Variants in TMEM150C observed in about 807,000 individuals in gnomAD.
The protein encoded by TMEM150C is tentonin 3.
TMEM150C carries 10 observed loss-of-function variants against 29.9 expected under a neutral mutation model. That is an observed-to-expected ratio of 0.33 (90% CI 0.21 to 0.57). The LOEUF is 0.57. Among genes scored for constraint, TMEM150C ranks in the 20% least tolerant of loss-of-function variants. The pLI is 0.88. For missense variants in TMEM150C, 251 were observed against 303.6 expected (o/e 0.83, Z 1.29); for synonymous variants, 101 against 112.5 (o/e 0.90, Z 0.64).
At chr4:82,492,028 T>G (rs1168739754) in intron 6 of TMEM150C, among the ~76,000 whole-genome samples, 3 of 150,348 alleles carry the variant, frequency 2.0e-5, no homozygotes, top group Non-Finnish European at 4.4e-5. Flanking sequence ...CTCTGTTTCC[T>G]GGGTTCAAGC....
In TMEM150C at chr4:82,503,055, T is replaced by C; in HGVS notation, c.134+4A>G. The C allele has an allele frequency of 1.9e-6, 3 of 1,612,704 alleles. No individual in the cohort carries two copies. Among genetic ancestry groups the C allele is most frequent in the Non-Finnish European group, 8.5e-7 (1 of 1,179,390 alleles). On this transcript the variant is annotated splice_donor_region_variant and intron_variant, in intron 3 of 7. Coordinates refer to ENST00000449862, the MANE Select transcript of TMEM150C (RefSeq NM_001080506.3). Reference sequence around the variant, plus strand: ...ACAACGAATTACCCACAGATAAACTTTACCTTTCAGCTGAATTTAATGGTA... The same window carrying C: ...ACAACGAATTACCCACAGATAAACTCTACCTTTCAGCTGAATTTAATGGTA...
At chr4:82,513,040 C>T (rs962487007) in intron 1 of TMEM150C, among the ~76,000 whole-genome samples, 5 of 152,196 alleles carry the variant, frequency 3.3e-5, no homozygotes, top group Admixed American at 1.3e-4. Context: ...TCCTGCCTGC[C>T]GGCTTTGAAG....
intron 1 of TMEM150C, among the ~76,000 whole-genome samples, chr4:82,524,193 G>C (rs974456177): frequency 2.6e-5 from 4 of 151,612 alleles, no homozygotes; most frequent in African/African-American, 9.7e-5. Flanking sequence ...GCGTGAACCC[G>C]GGGGGCGGAG....
At chr4:82,519,977 C>T (rs1724433468) in intron 1 of TMEM150C, among the ~76,000 whole-genome samples, 1 of 152,126 alleles carries the variant, frequency 6.6e-6, no homozygotes, top group South Asian at 2.1e-4. Context: ...CTGTACATTT[C>T]CATTCTGGTT....
intron 1 of TMEM150C, among the ~76,000 whole-genome samples, chr4:82,550,223 A>G (rs933709423): frequency 6.6e-6 from 1 of 151,994 alleles, no homozygotes; most frequent in Non-Finnish European, 1.5e-5. Context: ...TAACAGTTCC[A>G]CCTTCACATG....
intron 1 of TMEM150C, among the ~76,000 whole-genome samples, chr4:82,519,311 C>A (rs78860059): frequency 1.3e-5 from 2 of 152,148 alleles, no homozygotes; most frequent in African/African-American, 4.8e-5. Flanking sequence ...TGTAGTACCC[C>A]CTTATCCACA....
At chr4:82,536,467 G>A (rs113158418) in intron 1 of TMEM150C, among the ~76,000 whole-genome samples, 6 of 151,684 alleles carry the variant, frequency 4.0e-5, no homozygotes, top group African/African-American at 1.2e-4. Flanking sequence ...ACACACATAC[G>A]CTATAGGTGA....
At chr4:82,499,860 C>T (rs572896207) in intron 5 of TMEM150C, among the ~76,000 whole-genome samples, 10 of 151,740 alleles carry the variant, frequency 6.6e-5, no homozygotes, top group African/African-American at 2.4e-4. Flanking sequence ...AAACTGGTAC[C>T]TGGCCAAATT....
chr4:82,532,815 A>T (rs1176634259), intron 1 of TMEM150C, among the ~76,000 whole-genome samples: 2 of 149,986 alleles, frequency 1.3e-5, no homozygotes, highest in Non-Finnish European at 3.0e-5. Context: ...TGCAAGCTCC[A>T]CCTCCTGGGT....
At chr4:82,538,738 C>CAAT (rs1333711584) in intron 1 of TMEM150C, among the ~76,000 whole-genome samples, 2 of 151,940 alleles carry the variant, frequency 1.3e-5, no homozygotes, top group Non-Finnish European at 2.9e-5. Context: ...TGAGTCAAAG[C>CAAT]CTTAGAATGA....
intron 5 of TMEM150C, among the ~76,000 whole-genome samples, chr4:82,500,310 T>C (rs1337258589): frequency 6.6e-6 from 1 of 152,242 alleles, no homozygotes; most frequent in African/African-American, 2.4e-5. Context: ...GTCAGTTATG[T>C]AGACTAAAAT....
At chr4:82,550,799 AAAAG>A (rs200713273) in intron 1 of TMEM150C, among the ~76,000 whole-genome samples, 3,570 of 151,932 alleles carry the variant, frequency 0.023, 113 homozygotes, top group African/African-American at 0.08. Flanking sequence ...CAAAAAAAAA[AAAAG>A]AAAGAAAGAA....
chr4:82,493,265 A>C (rs1723431209), intron 6 of TMEM150C, among the ~76,000 whole-genome samples: 1 of 151,988 alleles, frequency 6.6e-6, no homozygotes, highest in South Asian at 2.1e-4. Context: ...AGTTCAAAAG[A>C]CATATTTTCA....
intron 5 of TMEM150C, among the ~76,000 whole-genome samples, chr4:82,496,841 A>C (rs1723573713): frequency 6.6e-6 from 1 of 152,186 alleles, no homozygotes; most frequent in Admixed American, 6.5e-5. Flanking sequence ...TTCTACTTGG[A>C]GGTGTTCACT....
intron 1 of TMEM150C, among the ~76,000 whole-genome samples, chr4:82,514,908 T>C (rs1724243527): frequency 6.6e-6 from 1 of 152,194 alleles, no homozygotes; most frequent in African/African-American, 2.4e-5. Flanking sequence ...AAAAAATTCA[T>C]TTTTAAGCCA....
intron 1 of TMEM150C, among the ~76,000 whole-genome samples, chr4:82,557,734 C>CTT (rs767919077): frequency 6.4e-4 from 84 of 131,334 alleles, no homozygotes; most frequent in African/African-American, 1.8e-3. Context: ...TTTTCTTTTT[C>CTT]TTTTTTTTTT....
At chr4:82,511,050 A>G (rs1250923988) in intron 1 of TMEM150C, among the ~76,000 whole-genome samples, 4 of 152,194 alleles carry the variant, frequency 2.6e-5, no homozygotes, top group Non-Finnish European at 5.9e-5. Flanking sequence ...CAACCAACAA[A>G]TGTCACACTT....
chr4:82,507,719 CTCTCTCTCTTTTTTTTTTTTTTTTTTTT>C (rs1257296023), intron 1 of TMEM150C, among the ~76,000 whole-genome samples: 1,190 of 68,270 alleles, frequency 0.017, 30 homozygotes, highest in African/African-American at 0.058. Flanking sequence ...AACTCTCTCT[CTCTCTCTCTTTTTTTTTTTTTTTTTTTT>C]TTTTTTTTTT....
At chr4:82,509,558 G>C (rs1724050020) in intron 1 of TMEM150C, 1 of 152,198 alleles carries the variant, frequency 6.6e-6, no homozygotes, top group African/African-American at 2.4e-5. Context: ...CACTTTGGGA[G>C]GCTGAGGTGG....
Sources: allele counts gnomAD v4.1 joint callset (sites outside exome capture counted in the v4.1 genomes callset), GRCh38; gene constraint gnomAD v4.1.1; transcripts MANE v1.5; gene names NCBI Gene and HGNC (gene_info 2026-07-23, HGNC 2026-07-21).